ANKRD30B: variants seen among roughly 807,000 people sequenced by gnomAD.
ANKRD30B encodes ankyrin repeat domain 30B.
ANKRD30B carries 144 observed loss-of-function variants against 202.2 expected under a neutral mutation model. The ratio of observed to expected loss-of-function variants is 0.71; its 90% confidence interval spans 0.62 to 0.82. ANKRD30B has a LOEUF of 0.82. Among genes scored for constraint, ANKRD30B ranks in the 40% least tolerant of loss-of-function variants. The probability of loss-of-function intolerance (pLI) is 0.00; values close to 1 mark genes in which losing one functional copy is unlikely to be tolerated. For synonymous variants in ANKRD30B, 508 were observed against 561.3 expected (o/e 0.91, Z 1.34); for missense variants, 1,487 against 1,669.1 (o/e 0.89, Z 1.90).
the ANKRD30B span, among the ~76,000 whole-genome samples, chr18:14,922,645 A>T: frequency 7.8e-6 from 1 of 127,480 alleles, no homozygotes; most frequent in South Asian, 2.5e-4. Context: ...ACAGAGTGAG[A>T]CTCCGTCTCA....
At chr18:14,825,995 G>A (rs192866802) in intron 32 of ANKRD30B, among the ~76,000 whole-genome samples, 2,401 of 152,088 alleles carry the variant, frequency 0.016, 52 homozygotes, top group African/African-American at 0.055. Flanking sequence ...CAGACCAACC[G>A]TTTTCTTTAC....
the ANKRD30B span, among the ~76,000 whole-genome samples, chr18:14,925,778 C>T: frequency 1.1e-4 from 16 of 152,292 alleles, no homozygotes; most frequent in African/African-American, 3.8e-4. Flanking sequence ...TGAGCTCACA[C>T]AGCGCCTGGA....
At chr18:14,815,786 A>G (rs927792512) in intron 30 of ANKRD30B, among the ~76,000 whole-genome samples, 21 of 152,312 alleles carry the variant, frequency 1.4e-4, no homozygotes, top group Non-Finnish European at 2.5e-4. Context: ...AAATATGTCA[A>G]TATTGAAAGC....
chr18:14,798,802 C>T (rs1290141229), intron 20 of ANKRD30B, among the ~76,000 whole-genome samples: 3 of 152,152 alleles, frequency 2.0e-5, no homozygotes, highest in African/African-American at 4.8e-5. Context: ...GCACATCACC[C>T]ACTGTTGGCT....
At chr18:14,788,898 G>A (rs533615206) in intron 15 of ANKRD30B, among the ~76,000 whole-genome samples, 33 of 152,224 alleles carry the variant, frequency 2.2e-4, no homozygotes, top group African/African-American at 7.5e-4. Flanking sequence ...ATAGTCCTTT[G>A]GGTATACACC....
At chr18:14,836,238 A>G in intron 34 of ANKRD30B, among the ~76,000 whole-genome samples, 1 of 152,194 alleles carries the variant, frequency 6.6e-6, no homozygotes, top group East Asian at 1.9e-4. Context: ...CAAATCTTAT[A>G]GGTCTCAAAC....
the ANKRD30B span, among the ~76,000 whole-genome samples, chr18:14,938,400 G>C: frequency 6.6e-6 from 1 of 152,194 alleles, no homozygotes; most frequent in African/African-American, 2.4e-5. Flanking sequence ...CTCTTTTACA[G>C]GTCTTGAGTT....
At chr18:14,783,601 G>A (rs1396881603) in intron 12 of ANKRD30B, among the ~76,000 whole-genome samples, 1 of 152,030 alleles carries the variant, frequency 6.6e-6, no homozygotes, top group East Asian at 1.9e-4. Flanking sequence ...TGAATAATAA[G>A]ATTGCTTTTT....
chr18:14,937,659 C>T, the ANKRD30B span, among the ~76,000 whole-genome samples: 165 of 152,306 alleles, frequency 1.1e-3, no homozygotes, highest in African/African-American at 3.7e-3. Context: ...GGCTATTGAC[C>T]GCTTGCTCGA....
intron 32 of ANKRD30B, among the ~76,000 whole-genome samples, chr18:14,827,583 A>T (rs1356057890): frequency 2.0e-5 from 3 of 152,034 alleles, no homozygotes; most frequent in Non-Finnish European, 4.4e-5. Flanking sequence ...TTGGTCGCAG[A>T]TGTCTTCTGT....
At chr18:14,912,800 T>C in the ANKRD30B span, among the ~76,000 whole-genome samples, 2 of 152,246 alleles carry the variant, frequency 1.3e-5, no homozygotes, top group East Asian at 3.8e-4. Flanking sequence ...TACTCATCAT[T>C]GTTCTGTTTT....
chr18:14,836,202 C>G (rs569830029), intron 34 of ANKRD30B, among the ~76,000 whole-genome samples: 30 of 152,144 alleles, frequency 2.0e-4, no homozygotes, highest in Non-Finnish European at 4.0e-4. Context: ...TTATCTAGAT[C>G]TTTCTTCTAA....
intron 35 of ANKRD30B, 112 bp downstream of exon 35, chr18:14,837,401 C>G: frequency 1.0e-6 from 1 of 995,366 alleles, no homozygotes. Flanking sequence ...ATTTTTTAGC[C>G]CAAAATACAA....
intron 6 of ANKRD30B, among the ~76,000 whole-genome samples, chr18:14,763,265 G>A (rs1453511503): frequency 2.6e-5 from 4 of 152,136 alleles, no homozygotes; most frequent in Non-Finnish European, 4.4e-5. Context: ...ATGTTTGGTA[G>A]TGTCCAGGCA....
chr18:14,785,866 G>A (rs1282931455), intron 14 of ANKRD30B, among the ~76,000 whole-genome samples: 1 of 151,862 alleles, frequency 6.6e-6, no homozygotes, highest in Non-Finnish European at 1.5e-5. Flanking sequence ...GTGAAACCCC[G>A]TCTCTACTAA....
chr18:14,932,741 C>A, the ANKRD30B span, among the ~76,000 whole-genome samples: 1 of 152,186 alleles, frequency 6.6e-6, no homozygotes, highest in East Asian at 1.9e-4. Flanking sequence ...CCCTCTCAGG[C>A]TCTTCCCACT....
chr18:14,862,166 G>C, the ANKRD30B span, among the ~76,000 whole-genome samples: 19 of 151,616 alleles, frequency 1.3e-4, no homozygotes, highest in East Asian at 3.1e-3. Flanking sequence ...AACACTAAAT[G>C]CCTACATAAA....
the ANKRD30B span, among the ~76,000 whole-genome samples, chr18:14,868,624 C>T: frequency 1.3e-5 from 2 of 152,228 alleles, no homozygotes; most frequent in Admixed American, 6.5e-5. Context: ...TCTGGGCACC[C>T]TTTGGGCCAC....
the ANKRD30B span, among the ~76,000 whole-genome samples, chr18:14,907,212 AT>A: frequency 1.3e-5 from 2 of 152,086 alleles, no homozygotes; most frequent in African/African-American, 4.8e-5. Context: ...CCAGTTTCTC[AT>A]GTTAAATTTT....
Sources: gnomAD v4.1 joint callset for allele counts (sites outside exome capture counted in the v4.1 genomes callset) on GRCh38, gnomAD v4.1.1 for gene constraint, MANE v1.5 for transcripts, NCBI Gene and HGNC (gene_info 2026-07-23, HGNC 2026-07-21) for gene names.